Variants in COL12A1 observed in about 807,000 individuals in gnomAD.
The protein encoded by COL12A1 is collagen type XII alpha 1 chain, also known as collagen alpha-1(XII) chain.
A neutral mutation model predicts 349.7 loss-of-function variants in COL12A1; 114 were observed. That is an observed-to-expected ratio of 0.33 (90% CI 0.28 to 0.38). COL12A1 has a LOEUF of 0.38. Among genes scored for constraint, COL12A1 ranks in the 10% least tolerant of loss-of-function variants. The pLI is 1.00. For synonymous variants in COL12A1, 1,369 were observed against 1,329.0 expected (o/e 1.03, Z -0.66); for missense variants, 3,284 against 3,756.9 (o/e 0.87, Z 3.29).
chr6:75,143,147 G>C, intron 26 of COL12A1, 105 bp downstream of exon 26: 1 of 1,312,442 alleles, frequency 7.6e-7, no homozygotes, highest in Non-Finnish European at 1.1e-6. Flanking sequence ...TGTTAACAAA[G>C]TGACAAGTAT....
chr6:75,138,202 T>A, intron 30 of COL12A1, 118 bp downstream of exon 30: 2 of 1,099,038 alleles, frequency 1.8e-6, no homozygotes. Context: ...GAGTTCTCAA[T>A]GAACATCTTA....
chr6:75,166,897 T>G (rs549906183), intron 13 of COL12A1, among the ~76,000 whole-genome samples: 7 of 152,198 alleles, frequency 4.6e-5, no homozygotes, highest in African/African-American at 1.7e-4. Context: ...ATGGTCGATT[T>G]AGAGGGAAAA....
At position 75,097,313 on chromosome 6, in the gene COL12A1, T is replaced by C; in HGVS notation, c.8524-7A>G. Reference sequence around the variant, plus strand: ...CGTCTTTTCCAGTGAAGCCCTATTGTAAAAATGAAAGTAATTACAGTTAGG... The same window carrying C: ...CGTCTTTTCCAGTGAAGCCCTATTGCAAAAATGAAAGTAATTACAGTTAGG... On this transcript the variant is annotated splice_polypyrimidine_tract_variant and splice_region_variant and intron_variant, in intron 58 of 65. Transcript: ENST00000322507. 6.2e-7 allele frequency: 1 copy of C among 1,611,568 alleles called. No individual in the cohort carries two copies. The highest frequency in any genetic ancestry group is 8.5e-7 in the Non-Finnish European group (1 of 1,178,358).
At chr6:75,175,004 T>A in intron 13 of COL12A1, 34 bp downstream of exon 13, 2 of 1,608,996 alleles carry the variant, frequency 1.2e-6, no homozygotes, top group Non-Finnish European at 1.7e-6. Flanking sequence ...CACAAACAAG[T>A]TCCTGGATTT....
At chr6:75,203,209 T>C (rs981641318) in intron 1 of COL12A1, among the ~76,000 whole-genome samples, 1 of 152,346 alleles carries the variant, frequency 6.6e-6, no homozygotes, top group South Asian at 2.1e-4. Context: ...TTGACTGCTT[T>C]TTTCCTAGCT....
intron 14 of COL12A1, among the ~76,000 whole-genome samples, chr6:75,164,540 T>G (rs966927548): frequency 1.3e-5 from 2 of 152,214 alleles, no homozygotes; most frequent in African/African-American, 4.8e-5. Context: ...TGACATTTGC[T>G]TTGGTTTGGT....
Position 75,151,278 on chromosome 6 carries a change from T to A in COL12A1, c.4010A>T (p.Asn1337Ile), listed in dbSNP as rs1187079906. 13 of 1,612,826 alleles carry A rather than the reference T, an allele frequency of 8.1e-6. No individual in the cohort carries two copies. The South Asian group carries it at 1.3e-4, about 16-fold the overall frequency. Residue 1337 changes from asparagine to isoleucine, a missense_variant, in exon 21 of 66, where the codon AAT becomes ATT. Around this residue, in one of 2 missense-constraint regions of COL12A1, gnomAD observed 2,601 missense variants for 2,824.8 expected, o/e 0.92. Coordinates refer to ENST00000322507, the MANE Select transcript of COL12A1 (RefSeq NM_004370.6). ...CATCTTTAATTCGACTTCATCAGCA[T>A]TTTTAATACCTTCAAAAACGGATAT... ...GVELFAIGIK[N>I]ADEVELKMIA...
intron 31 of COL12A1, among the ~76,000 whole-genome samples, chr6:75,136,245 T>C (rs1382967312): frequency 6.6e-6 from 1 of 152,204 alleles, no homozygotes; most frequent in Non-Finnish European, 1.5e-5. Flanking sequence ...AATATATCAG[T>C]CCATCTAATT....
At chr6:75,107,377 T>G (rs955363706) in intron 52 of COL12A1, among the ~76,000 whole-genome samples, 2 of 152,042 alleles carry the variant, frequency 1.3e-5, no homozygotes, top group African/African-American at 4.8e-5. Context: ...TTCAAGAGAT[T>G]CTCCTGCCTC....
chr6:75,143,220 T>C, intron 26 of COL12A1, 32 bp downstream of exon 26: 5 of 1,611,222 alleles, frequency 3.1e-6, no homozygotes, highest in Non-Finnish European at 4.2e-6. Context: ...GGAAAACAAA[T>C]ATTTTCATAT....
chr6:75,201,420 C>A (rs1294792977), intron 2 of COL12A1, among the ~76,000 whole-genome samples: 1 of 152,182 alleles, frequency 6.6e-6, no homozygotes, highest in Admixed American at 6.5e-5. Context: ...TGGAAACACT[C>A]TGCTTCCCCT....
chr6:75,135,168 G>A (rs1021102575), intron 31 of COL12A1, among the ~76,000 whole-genome samples: 1 of 151,440 alleles, frequency 6.6e-6, no homozygotes, highest in Admixed American at 6.6e-5. Flanking sequence ...GGGGGCGGGG[G>A]GGACTAATCA....
At chr6:75,182,857 TA>T in intron 10 of COL12A1, among the ~76,000 whole-genome samples, 192 bp downstream of exon 10, 1 of 152,272 alleles carries the variant, frequency 6.6e-6, no homozygotes, top group Middle Eastern at 3.4e-3. Flanking sequence ...TTTCACCAAC[TA>T]AAATATGATC....
chr6:75,086,661 T>C (rs1272184675), intron 65 of COL12A1, 104 bp from the exon 66 acceptor site: 11 of 359,588 alleles, frequency 3.1e-5, no homozygotes, highest in Non-Finnish European at 4.6e-5. Context: ...TATATATATA[T>C]ATATATATAT....
chr6:75,135,508 T>G (rs959778540), intron 31 of COL12A1, among the ~76,000 whole-genome samples: 5 of 152,218 alleles, frequency 3.3e-5, no homozygotes, highest in African/African-American at 1.2e-4. Flanking sequence ...TATTCGTTAC[T>G]TAAGGCCATC....
chr6:75,130,157 A>T lies in COL12A1; in HGVS notation c.6144T>A (p.Ala2048=), dbSNP rs748509862. ...TNSLSVAWDH[A]DGPVQQYRII... ...TCCTGTACTGCTGAACTGGCCCATC[A>T]GCATGATCCCAGGCTACCGAGAGGC... Residue 2048 remains alanine (A), a synonymous_variant, in exon 37 of 66, where the codon GCT becomes GCA. Coordinates refer to ENST00000322507, the MANE Select transcript of COL12A1 (RefSeq NM_004370.6). 11 of 1,614,174 alleles carry T rather than the reference A, an allele frequency of 6.8e-6. No individual in the cohort carries two copies. Among genetic ancestry groups the T allele is most frequent in the Non-Finnish European group, 9.3e-6 (11 of 1,180,010 alleles).
At position 75,127,003 on chromosome 6, in the gene COL12A1, T is replaced by A. The variant is rs570826710; in HGVS notation, c.6341-533A>T. Among the ~76,000 whole-genome samples, 142 of 152,212 alleles carry A rather than the reference T, an allele frequency of 9.3e-4. 2 individuals carry two copies. The highest frequency in any genetic ancestry group is 8.8e-5 in the Non-Finnish European group (6 of 67,998). Reference sequence around the variant, plus strand: ...GCCCCCAAGCCCACAACTTATAAAATCAATGCTGTTCAGGTAGTATGTTAA... The same window carrying A: ...GCCCCCAAGCCCACAACTTATAAAAACAATGCTGTTCAGGTAGTATGTTAA... On this transcript the variant is annotated intron_variant, in intron 38 of 65. Coordinates refer to ENST00000322507, the MANE Select transcript of COL12A1 (RefSeq NM_004370.6).
chr6:75,133,876 T>A lies in COL12A1; in HGVS notation c.5646A>T (p.Ala1882=), dbSNP rs774390819. The A allele has an allele frequency of 2.2e-5, 36 of 1,614,004 alleles. No homozygotes were observed. Among genetic ancestry groups the A allele is most frequent in the Non-Finnish European group, 2.8e-5 (33 of 1,179,982 alleles). The change falls in exon 33 of 66, where the codon GCA becomes GCT. Residue 1882 remains alanine (A), a synonymous_variant. Transcript: ENST00000322507. ...TAATTACCAGTTCCTCTGGACCACC[T>A]GCTGCTGGTGCATAGAAGAGCTTGT... is the stretch of plus-strand genomic sequence containing the variant. ...RQYKLFYAPA[A]GGPEELVPIP... is the part of the protein sequence containing the mutation.
intron 5 of COL12A1, among the ~76,000 whole-genome samples, chr6:75,191,076 A>G (rs1054428157): frequency 6.6e-6 from 1 of 151,926 alleles, no homozygotes; most frequent in Admixed American, 6.6e-5. Flanking sequence ...GAAAAGCAAT[A>G]TAAGACAAAA....
Sources: allele counts gnomAD v4.1 joint callset (sites outside exome capture counted in the v4.1 genomes callset), GRCh38; gene constraint gnomAD v4.1.1; regional missense constraint gnomAD v4.1.1; transcripts MANE v1.5; gene names NCBI Gene and HGNC (gene_info 2026-07-23, HGNC 2026-07-21).